The following ASTN2 variants were observed in gnomAD, a reference collection of about 807,000 sequenced individuals.
ASTN2 encodes astrotactin 2.
In ASTN2, 54 loss-of-function variants were observed where a neutral mutation model predicts 139.8. The observed-to-expected ratio is 0.39, with a 90% CI of 0.31 to 0.48. ASTN2 has a LOEUF of 0.48. Ranked by LOEUF, ASTN2 falls within the 20% of genes least tolerant of loss-of-function variation. The probability of loss-of-function intolerance (pLI) is 0.95; values close to 1 mark genes in which losing one functional copy is unlikely to be tolerated. For missense variants in ASTN2, 1,565 were observed against 1,725.1 expected (o/e 0.91, Z 1.64); for synonymous variants, 756 against 719.5 (o/e 1.05, Z -0.81).
intron 16 of ASTN2, among the ~76,000 whole-genome samples, chr9:116,717,919 A>G (rs1372329): frequency 0.84 from 128,079 of 152,216 alleles, 53,995 homozygotes; most frequent in African/African-American, 0.89. Context: ...GGCTCACTCA[A>G]TCTCACTCAC....
intron 20 of ASTN2, among the ~76,000 whole-genome samples, chr9:116,480,157 AAAGG>A (rs1287400053): frequency 2.0e-5 from 3 of 151,632 alleles, no homozygotes; most frequent in African/African-American, 4.8e-5. Context: ...AGGAAGTGGG[AAAGG>A]AAGGAAGGAA....
At chr9:117,254,629 C>T (rs1833634088) in intron 2 of ASTN2, among the ~76,000 whole-genome samples, 1 of 152,126 alleles carries the variant, frequency 6.6e-6, no homozygotes, top group African/African-American at 2.4e-5. Flanking sequence ...AATTATGTCC[C>T]ATTGGGGCCC....
At chr9:117,322,308 A>C (rs187004507) in intron 1 of ASTN2, among the ~76,000 whole-genome samples, 1 of 152,308 alleles carries the variant, frequency 6.6e-6, no homozygotes, top group African/African-American at 2.4e-5. Context: ...TCTAGTTCTT[A>C]ACACCGTGCC....
chr9:116,429,208 G>T (rs1448840329), intron 22 of ASTN2, among the ~76,000 whole-genome samples: 1 of 152,028 alleles, frequency 6.6e-6, no homozygotes, highest in African/African-American at 2.4e-5. Context: ...GCCTTGTGGT[G>T]TATGCCTGTA....
At chr9:116,504,765 G>T (rs999925477) in intron 19 of ASTN2, among the ~76,000 whole-genome samples, 2 of 151,674 alleles carry the variant, frequency 1.3e-5, no homozygotes, top group African/African-American at 2.4e-5. Context: ...GTGTTGTATC[G>T]TGCATCTGTA....
intron 10 of ASTN2, among the ~76,000 whole-genome samples, chr9:116,944,328 T>G (rs1835320995): frequency 6.6e-6 from 1 of 151,960 alleles, no homozygotes; most frequent in Non-Finnish European, 1.5e-5. Context: ...CAGCTAGTTT[T>G]GAGAGAGGAG....
intron 14 of ASTN2, among the ~76,000 whole-genome samples, chr9:116,731,425 T>G (rs2132124140): frequency 6.6e-6 from 1 of 152,164 alleles, no homozygotes; most frequent in African/African-American, 2.4e-5. Flanking sequence ...TTTTGTTTTG[T>G]TTTGTTTTGT....
chr9:116,429,167 T>C (rs894572908), intron 22 of ASTN2, among the ~76,000 whole-genome samples: 1 of 151,834 alleles, frequency 6.6e-6, no homozygotes, highest in Non-Finnish European at 1.5e-5. Flanking sequence ...GGTGAAACGC[T>C]GTGTCTACTA....
rs141863340 is a variant in ASTN2 at position 117,189,163 on chromosome 9, G to A, written c.1015+25195C>T. 3.8e-3 allele frequency among the ~76,000 whole-genome samples: 579 copies of A among 152,200 alleles called. 7 individuals are homozygous for A. The highest frequency in any genetic ancestry group is 3.4e-3 in the Non-Finnish European group (230 of 67,996). On this transcript the variant is annotated intron_variant, in intron 3 of 22. Transcript: ENST00000313400. ...GTAAGCTGTAGAGAAAGAAAACAAC[G>A]GCACTTAAAAGTGCTCAGGAGATAG...
intron 5 of ASTN2, among the ~76,000 whole-genome samples, chr9:117,073,385 T>G (rs1430343694): frequency 5.3e-5 from 8 of 152,166 alleles, no homozygotes; most frequent in Non-Finnish European, 1.2e-4. Context: ...CAATATCATC[T>G]ATTTCAGGGA....
chr9:116,905,221 G>A (rs988353777), intron 10 of ASTN2, among the ~76,000 whole-genome samples: 6 of 152,168 alleles, frequency 3.9e-5, no homozygotes, highest in African/African-American at 1.4e-4. Flanking sequence ...CTTTTGAAAT[G>A]TCCTAGCGGA....
intron 10 of ASTN2, among the ~76,000 whole-genome samples, chr9:116,970,193 C>T (rs1043144124): frequency 7.9e-5 from 12 of 152,114 alleles, no homozygotes; most frequent in Admixed American, 3.3e-4. Context: ...TGACAAGATG[C>T]GGCATAACAT....
At chr9:116,592,071 G>C (rs1854400473) in intron 19 of ASTN2, among the ~76,000 whole-genome samples, 1 of 152,078 alleles carries the variant, frequency 6.6e-6, no homozygotes, top group Non-Finnish European at 1.5e-5. Flanking sequence ...TTTGCATATA[G>C]CCTATGCACA....
intron 20 of ASTN2, among the ~76,000 whole-genome samples, chr9:116,465,105 G>A (rs1045665949): frequency 6.6e-6 from 1 of 152,184 alleles, no homozygotes; most frequent in Admixed American, 6.5e-5. Context: ...ACCTGCCTGA[G>A]ATGTGGCAGA....
intron 4 of ASTN2, among the ~76,000 whole-genome samples, chr9:117,126,743 A>G (rs1829697949): frequency 6.6e-6 from 1 of 152,226 alleles, no homozygotes; most frequent in African/African-American, 2.4e-5. Context: ...AACGTTTAAT[A>G]ATCTGTAATT....
intron 3 of ASTN2, among the ~76,000 whole-genome samples, chr9:117,146,930 C>T (rs1442555700): frequency 3.9e-5 from 6 of 152,034 alleles, no homozygotes; most frequent in Non-Finnish European, 5.9e-5. Flanking sequence ...AAGAAATGAC[C>T]AAGCTTTGAG....
At chr9:116,899,866 T>A (rs185018042) in intron 10 of ASTN2, among the ~76,000 whole-genome samples, 1 of 152,284 alleles carries the variant, frequency 6.6e-6, no homozygotes. Context: ...TTTGAGGTAT[T>A]TTTTCACATC....
chr9:116,510,549 G>A (rs927228741), intron 19 of ASTN2, among the ~76,000 whole-genome samples: 6 of 152,244 alleles, frequency 3.9e-5, no homozygotes, highest in South Asian at 4.2e-4. Flanking sequence ...AAAGGCATTG[G>A]TAGCTTGCTG....
chr9:117,021,936 A>G (rs540960315), intron 6 of ASTN2, among the ~76,000 whole-genome samples: 42 of 152,338 alleles, frequency 2.8e-4, no homozygotes, highest in African/African-American at 9.6e-4. Flanking sequence ...TGTGAAATAA[A>G]AGAAAATGTT....
Sources: gnomAD v4.1 joint callset for allele counts (sites outside exome capture counted in the v4.1 genomes callset) on GRCh38, gnomAD v4.1.1 for gene constraint, MANE v1.5 for transcripts, NCBI Gene and HGNC (gene_info 2026-07-23, HGNC 2026-07-21) for gene names.